Variants in MIPOL1 observed in about 807,000 individuals in gnomAD.
The protein encoded by MIPOL1 is mirror-image polydactyly gene 1 protein.
A neutral mutation model predicts 60.9 loss-of-function variants in MIPOL1; 57 were observed. The observed-to-expected ratio is 0.94, with a 90% CI of 0.76 to 1.17. The LOEUF (loss-of-function observed/expected upper bound fraction) is 1.17, where lower values mean the gene tolerates loss of function less well. MIPOL1 is among the 50% of genes most tolerant of loss of function. The probability of loss-of-function intolerance (pLI) is 0.00; values close to 1 mark genes in which losing one functional copy is unlikely to be tolerated. For synonymous variants in MIPOL1, 179 were observed against 168.8 expected, an observed-to-expected ratio of 1.06 and a Z score of -0.47; for missense variants, 551 against 511.6, an observed-to-expected ratio of 1.08 and a Z score of -0.74.
intron 3 of MIPOL1, among the ~76,000 whole-genome samples, chr14:37,258,778 A>T (rs1275266023): frequency 6.6e-6 from 1 of 152,142 alleles, no homozygotes; most frequent in East Asian, 1.9e-4. Context: ...CATACAAAGA[A>T]ATCGGAACTT....
rs2094039845 is a variant in MIPOL1 at position 37,430,400 on chromosome 14, G to A, written c.1031+7451G>A. On this transcript the variant is annotated intron_variant, in intron 11 of 12. Coordinates refer to ENST00000684589, the MANE Select transcript of MIPOL1 (RefSeq NM_001388067.1). ...CCATTAAGTTGTGTCTATTTTCAGG[G>A]CCTTTAAATTTAAAAATTTACAGCT... Among the ~76,000 whole-genome samples the A allele has an allele frequency of 2.0e-5, 3 of 151,444 alleles. No individual in the cohort carries two copies. The South Asian group carries it at 6.2e-4, about 31-fold the overall frequency.
intron 1 of MIPOL1, among the ~76,000 whole-genome samples, chr14:37,204,928 A>C (rs1965843745): frequency 6.6e-6 from 1 of 152,158 alleles, no homozygotes; most frequent in Admixed American, 6.6e-5. Context: ...TTTGCCCAAA[A>C]TGCTGATAGT....
chr14:37,525,811 G>A (rs138070704), intron 12 of MIPOL1, among the ~76,000 whole-genome samples: 1 of 152,154 alleles, frequency 6.6e-6, no homozygotes, highest in Non-Finnish European at 1.5e-5. Context: ...AAAGGATTAT[G>A]CATATAGCCT....
chr14:37,244,234 C>T (rs750886135), intron 1 of MIPOL1, among the ~76,000 whole-genome samples: 1 of 149,170 alleles, frequency 6.7e-6, no homozygotes, highest in African/African-American at 2.5e-5. Context: ...ATTCTCCTGC[C>T]TCAGCCTCCC....
chr14:37,252,297 T>C (rs1974247548), intron 3 of MIPOL1, among the ~76,000 whole-genome samples: 1 of 152,036 alleles, frequency 6.6e-6, no homozygotes, highest in Non-Finnish European at 1.5e-5. Context: ...TCAGGAATCA[T>C]TGTACTTATT....
chr14:37,501,010 A>G (rs767974938), intron 12 of MIPOL1, among the ~76,000 whole-genome samples: 27 of 152,126 alleles, frequency 1.8e-4, no homozygotes, highest in Non-Finnish European at 3.2e-4. Context: ...ACTTCCCACT[A>G]CTTCTTATTT....
intron 1 of MIPOL1, among the ~76,000 whole-genome samples, chr14:37,238,601 A>G (rs996075094): frequency 5.3e-5 from 8 of 152,140 alleles, no homozygotes; most frequent in African/African-American, 1.7e-4. Context: ...GCAGGTAGTA[A>G]TCATGATTAT....
chr14:37,512,769 TAA>T (rs1469963412), intron 12 of MIPOL1, among the ~76,000 whole-genome samples: 1 of 152,166 alleles, frequency 6.6e-6, no homozygotes, highest in Admixed American at 6.6e-5. Flanking sequence ...AATCAAAGAA[TAA>T]GTTTCATAAT....
chr14:37,235,164 C>T (rs1001746395), intron 1 of MIPOL1, among the ~76,000 whole-genome samples: 3 of 152,016 alleles, frequency 2.0e-5, no homozygotes, highest in African/African-American at 7.2e-5. Context: ...TTTTATGCTG[C>T]TTCTGAGCTA....
intron 1 of MIPOL1, among the ~76,000 whole-genome samples, chr14:37,213,855 T>A (rs1203244248): frequency 1.3e-5 from 2 of 152,166 alleles, no homozygotes; most frequent in African/African-American, 4.8e-5. Context: ...CAATGGTGCT[T>A]CGTTGTGGCT....
chr14:37,474,890 T>A (rs2094746066), intron 11 of MIPOL1, among the ~76,000 whole-genome samples: 1 of 152,204 alleles, frequency 6.6e-6, no homozygotes. Context: ...TTGAGCCTCT[T>A]ATATGCTTAC....
chr14:37,493,448 A>G (rs2095074011), intron 11 of MIPOL1, among the ~76,000 whole-genome samples: 3 of 152,152 alleles, frequency 2.0e-5, no homozygotes. Flanking sequence ...CGTAGAAACC[A>G]AGACAGAAAC....
chr14:37,518,930 C>CTA (rs34288402), intron 12 of MIPOL1, among the ~76,000 whole-genome samples: 118,673 of 151,896 alleles, frequency 0.78, 46,806 homozygotes, highest in African/African-American at 0.89. Context: ...AAAATAAACT[C>CTA]TTTGATTACA....
At chr14:37,324,484 T>TA (rs1374634805) in intron 9 of MIPOL1, among the ~76,000 whole-genome samples, 1 of 152,112 alleles carries the variant, frequency 6.6e-6, no homozygotes, top group Non-Finnish European at 1.5e-5. Flanking sequence ...CGTTGTCAGA[T>TA]ACGTGTATTA....
chr14:37,421,853 A>C (rs543207523), intron 10 of MIPOL1, among the ~76,000 whole-genome samples: 1 of 147,504 alleles, frequency 6.8e-6, no homozygotes, highest in East Asian at 1.9e-4. Flanking sequence ...CAATAAAATA[A>C]TTCCATTGAA....
intron 11 of MIPOL1, among the ~76,000 whole-genome samples, chr14:37,469,568 C>G (rs2094649516): frequency 6.6e-6 from 1 of 152,116 alleles, no homozygotes; most frequent in Admixed American, 6.6e-5. Context: ...GGCGGTCACT[C>G]TAAATTAAGA....
chr14:37,398,085 A>T (rs1459982670), intron 10 of MIPOL1, among the ~76,000 whole-genome samples: 1 of 151,844 alleles, frequency 6.6e-6, no homozygotes, highest in Non-Finnish European at 1.5e-5. Context: ...CTCTCGTTGG[A>T]TCCCTGTGGT....
At chr14:37,518,099 T>C (rs2095384161) in intron 12 of MIPOL1, among the ~76,000 whole-genome samples, 1 of 152,198 alleles carries the variant, frequency 6.6e-6, no homozygotes. Flanking sequence ...TATACATCCT[T>C]AGTGGCATAT....
chr14:37,223,356 A>T (rs1969149314), intron 1 of MIPOL1, among the ~76,000 whole-genome samples: 1 of 151,886 alleles, frequency 6.6e-6, no homozygotes, highest in African/African-American at 2.4e-5. Flanking sequence ...GTTTTGTGGT[A>T]GATATTAATA....
Sources: gnomAD v4.1 joint callset for allele counts (sites outside exome capture counted in the v4.1 genomes callset) on GRCh38, gnomAD v4.1.1 for gene constraint, MANE v1.5 for transcripts, NCBI Gene and HGNC (gene_info 2026-07-23, HGNC 2026-07-21) for gene names.